The following LAMA2 variants were observed in gnomAD, a reference collection of about 807,000 sequenced individuals.
LAMA2 encodes the protein laminin subunit alpha 2, also known as laminin subunit alpha-2.
Under a neutral mutation model 364.8 loss-of-function variants are expected in LAMA2, and 269 were observed. The observed-to-expected ratio is 0.74, with a 90% CI of 0.67 to 0.82. LAMA2 has a LOEUF of 0.82. LAMA2 is among the 40% of genes least tolerant of loss of function. The pLI, the probability that LAMA2 is intolerant of heterozygous loss-of-function variation, is 0.00. For synonymous variants in LAMA2, 1,379 were observed against 1,370.6 expected (o/e 1.01, Z -0.14); for missense variants, 3,807 against 3,873.2 (o/e 0.98, Z 0.45).
intron 1 of LAMA2, among the ~76,000 whole-genome samples, chr6:129,048,493 T>TTTCTTTCTTTCCTTCC (rs1384475895): frequency 7.8e-5 from 4 of 51,328 alleles, no homozygotes; most frequent in Non-Finnish European, 1.6e-4. Flanking sequence ...TCTTTCTTTC[T>TTTCTTTCTTTCCTTCC]TTCCTTCCTT....
chr6:129,506,199 A>G (rs898667420), intron 61 of LAMA2, among the ~76,000 whole-genome samples: 2 of 151,924 alleles, frequency 1.3e-5, no homozygotes, highest in African/African-American at 4.8e-5. Flanking sequence ...CAAAAATACA[A>G]AAAGTTAGCC....
At chr6:129,389,280 G>A (rs1779190730) in intron 35 of LAMA2, among the ~76,000 whole-genome samples, 1 of 152,190 alleles carries the variant, frequency 6.6e-6, no homozygotes, top group Non-Finnish European at 1.5e-5. Context: ...GGCTGTCTTA[G>A]CCCATTTGGG....
chr6:129,332,282 A>G (rs972712452), intron 29 of LAMA2, among the ~76,000 whole-genome samples: 4 of 152,180 alleles, frequency 2.6e-5, no homozygotes, highest in African/African-American at 4.8e-5. Flanking sequence ...TTGATACATT[A>G]TTGTATCTGA....
intron 1 of LAMA2, among the ~76,000 whole-genome samples, chr6:129,033,449 A>AT (rs1209036251): frequency 1.3e-5 from 2 of 152,118 alleles, no homozygotes; most frequent in Admixed American, 6.5e-5. Context: ...CTCTTCTGAT[A>AT]TTTTTGTTTG....
chr6:129,139,753 C>G (rs1449521540), intron 4 of LAMA2, among the ~76,000 whole-genome samples: 1 of 152,100 alleles, frequency 6.6e-6, no homozygotes, highest in Non-Finnish European at 1.5e-5. Flanking sequence ...GTCTCAGCCA[C>G]TCATTTACAT....
chr6:129,289,225 C>G (rs944970123), intron 19 of LAMA2, among the ~76,000 whole-genome samples: 1 of 152,188 alleles, frequency 6.6e-6, no homozygotes, highest in Non-Finnish European at 1.5e-5. Context: ...CCTTTAAACA[C>G]TGGATTCCTG....
At chr6:129,069,490 T>C (rs1198719649) in intron 3 of LAMA2, among the ~76,000 whole-genome samples, 1 of 148,662 alleles carries the variant, frequency 6.7e-6, no homozygotes, top group Non-Finnish European at 1.5e-5. Flanking sequence ...TACAAAATAA[T>C]GAAGAGACCG....
chr6:129,401,974 G>T (rs1583665424), intron 38 of LAMA2, among the ~76,000 whole-genome samples: 1 of 152,218 alleles, frequency 6.6e-6, no homozygotes, highest in East Asian at 1.9e-4. Flanking sequence ...TTGGGAGGCC[G>T]AGGTGGGCAG....
chr6:129,338,027 T>G (rs183474553), intron 29 of LAMA2, among the ~76,000 whole-genome samples: 1 of 152,314 alleles, frequency 6.6e-6, no homozygotes, highest in East Asian at 1.9e-4. Context: ...GTTTAGTATG[T>G]CAGCAACCCT....
At chr6:128,964,114 G>A (rs1197039224) in intron 1 of LAMA2, among the ~76,000 whole-genome samples, 4 of 152,040 alleles carry the variant, frequency 2.6e-5, no homozygotes, top group African/African-American at 9.7e-5. Flanking sequence ...AAAGCCTGGA[G>A]TGCAGAATTG....
At chr6:129,277,652 C>T (rs1019340063) in intron 17 of LAMA2, among the ~76,000 whole-genome samples, 1 of 152,062 alleles carries the variant, frequency 6.6e-6, no homozygotes, top group Admixed American at 6.6e-5. Flanking sequence ...ACTAAATTCT[C>T]CTGGAAATTT....
chr6:129,456,275 G>A, intron 47 of LAMA2, 60 bp from the exon 48 acceptor site: 2 of 1,434,528 alleles, frequency 1.4e-6, no homozygotes, highest in Non-Finnish European at 2.0e-6. Context: ...TACCAGAAAT[G>A]TGATGCATAT....
chr6:129,172,507 C>G (rs1780250032), intron 9 of LAMA2, among the ~76,000 whole-genome samples: 1 of 152,164 alleles, frequency 6.6e-6, no homozygotes, highest in Non-Finnish European at 1.5e-5. Flanking sequence ...GGTCAGGGAC[C>G]CACTTGAGGA....
chr6:129,266,005 T>C (rs1282885231), intron 15 of LAMA2, among the ~76,000 whole-genome samples: 1 of 152,078 alleles, frequency 6.6e-6, no homozygotes, highest in Non-Finnish European at 1.5e-5. Flanking sequence ...AATTTGAGAG[T>C]CCTCATATCC....
chr6:129,225,989 A>G (rs185084941), intron 12 of LAMA2, among the ~76,000 whole-genome samples: 1 of 152,098 alleles, frequency 6.6e-6, no homozygotes, highest in Non-Finnish European at 1.5e-5. Context: ...GTAGGTCTCT[A>G]AGGACTTGCT....
rs552583556 is a variant in LAMA2 at position 129,366,175 on chromosome 6, A to G, written c.4718-44A>G. On this transcript the variant is annotated intron_variant, in intron 32 of 64. Transcript: ENST00000421865. ...TGAATTCTTTGAACATCTGCCTGGG[A>G]TGTTTAGCAGAAGTAACTACTCTTT... 3 of 1,606,558 alleles carry G rather than the reference A, an allele frequency of 1.9e-6. No individual in the cohort carries two copies. In the East Asian group the frequency reaches 6.7e-5, roughly 36 times the overall value.
chr6:129,500,960 T>A (rs1201570765), intron 58 of LAMA2, among the ~76,000 whole-genome samples: 1 of 152,208 alleles, frequency 6.6e-6, no homozygotes, highest in Non-Finnish European at 1.5e-5. Flanking sequence ...AATTGTTTCC[T>A]AATTCCTCAG....
intron 12 of LAMA2, among the ~76,000 whole-genome samples, chr6:129,204,268 C>T (rs544454784): frequency 3.4e-4 from 52 of 152,328 alleles, no homozygotes; most frequent in African/African-American, 1.2e-3. Context: ...ACATGCATCG[C>T]TTCATGTCTT....
intron 63 of LAMA2, among the ~76,000 whole-genome samples, chr6:129,514,028 T>G (rs974350129): frequency 1.6e-4 from 24 of 152,244 alleles, no homozygotes; most frequent in Non-Finnish European, 2.9e-5. Context: ...AACTCTCACA[T>G]TCTAAAAAGA....
Sources: gnomAD v4.1 joint callset for allele counts (sites outside exome capture counted in the v4.1 genomes callset) on GRCh38, gnomAD v4.1.1 for gene constraint, MANE v1.5 for transcripts, NCBI Gene and HGNC (gene_info 2026-07-23, HGNC 2026-07-21) for gene names.